The following TRAF5 variants were observed in gnomAD, a reference collection of about 807,000 sequenced individuals.
TRAF5 encodes the protein TNF receptor-associated factor 5.
A neutral mutation model predicts 64.5 loss-of-function variants in TRAF5; 48 were observed. The ratio of observed to expected loss-of-function variants is 0.74; its 90% confidence interval spans 0.59 to 0.95. The LOEUF (loss-of-function observed/expected upper bound fraction) is 0.95, where lower values mean the gene tolerates loss of function less well. Ranked by LOEUF, TRAF5 falls within the 40% of genes least tolerant of loss-of-function variation. The pLI, the probability that TRAF5 is intolerant of heterozygous loss-of-function variation, is 0.00. For missense variants in TRAF5, 545 were observed against 662.8 expected (o/e 0.82, Z 1.95); for synonymous variants, 206 against 240.5 (o/e 0.86, Z 1.33).
At chr1:211,362,858 A>G (rs931190917) in intron 7 of TRAF5, among the ~76,000 whole-genome samples, 2 of 152,098 alleles carry the variant, frequency 1.3e-5, no homozygotes, top group African/African-American at 2.4e-5. Context: ...TTTGCAACAT[A>G]TGATCAGACA....
In TRAF5 at chr1:211,372,633, C is replaced by T. The variant is rs147801247; in HGVS notation, c.1605C>T (p.Asn535=). The T allele has an allele frequency of 1.9e-4, 304 of 1,614,178 alleles. No individual in the cohort carries two copies. Among genetic ancestry groups the T allele is most frequent in the Admixed American group, 3.3e-4 (20 of 60,008 alleles). ...ATTCTGTTTTGGAGAATGCCAAGAA[C>T]GCCTACATTAAAGATGACACTCTGT... ...VAHSVLENAK[N]AYIKDDTLFL... is the part of the protein sequence containing the mutation. Residue 535 remains asparagine, a synonymous_variant, in exon 11 of 11, where the codon AAC becomes AAT. Transcript: ENST00000261464.
intron 1 of TRAF5, among the ~76,000 whole-genome samples, chr1:211,344,486 G>T (rs1408507579): frequency 2.6e-5 from 4 of 152,224 alleles, no homozygotes; most frequent in Non-Finnish European, 4.4e-5. Context: ...GTCACATGTT[G>T]TCTGGTTGTC....
intron 1 of TRAF5, among the ~76,000 whole-genome samples, chr1:211,335,210 C>A (rs1039403519): frequency 6.6e-6 from 1 of 152,162 alleles, no homozygotes; most frequent in African/African-American, 2.4e-5. Flanking sequence ...GCCTGAATCC[C>A]TACCCAGAGT....
rs571800593 is a variant in TRAF5, at chr1:211,353,749, T to G, written c.218+292T>G. 1.6e-5 allele frequency: 7 copies of G among 436,462 alleles called. 1 individual carries two copies. The highest frequency in any genetic ancestry group is 1.4e-4 in the African/African-American group (7 of 50,254). 27.0% of individuals were successfully genotyped at this position (436,462 alleles called of 1,614,324 possible). A position where few individuals can be genotyped will look rare whatever the true frequency, so the allele number is the denominator to read the frequency against. On this transcript the variant is annotated intron_variant, in intron 2 of 10. Coordinates refer to ENST00000261464, the MANE Select transcript of TRAF5 (RefSeq NM_001033910.3). ...ATGGGAGCTGGCTGTGGAGAAGGGC[T>G]TGAATCTCACAATGTCTGTGTTGTA...
At chr1:211,341,145 TTTCCAATGAGGAGA>T (rs1702438430) in intron 1 of TRAF5, among the ~76,000 whole-genome samples, 1 of 152,116 alleles carries the variant, frequency 6.6e-6, no homozygotes, top group Admixed American at 6.5e-5. Context: ...GTAGGTAGCC[TTTCCAATGAGGAGA>T]AGCCTTTCCA....
intron 5 of TRAF5, 142 bp downstream of exon 5, chr1:211,360,218 G>A: frequency 1.1e-6 from 1 of 878,462 alleles, no homozygotes; most frequent in South Asian, 1.8e-5. Context: ...GCTTTTTGGA[G>A]AGAAGTTCTG....
intron 1 of TRAF5, among the ~76,000 whole-genome samples, chr1:211,350,671 T>C (rs1372637434): frequency 6.6e-6 from 1 of 152,188 alleles, no homozygotes; most frequent in Non-Finnish European, 1.5e-5. Flanking sequence ...AGGTGAGAAA[T>C]GATGTGGCTT....
At chr1:211,370,378 A>AACACACAC (rs67207558) in intron 9 of TRAF5, among the ~76,000 whole-genome samples, 10 of 148,082 alleles carry the variant, frequency 6.8e-5, no homozygotes, top group African/African-American at 2.2e-4. Flanking sequence ...TTATACATTA[A>AACACACAC]ACACACACAC....
Position 211,370,949 on chromosome 1 carries a change from T to C in TRAF5, c.931-353T>C, listed in dbSNP as rs536531196. Among the ~76,000 whole-genome samples the C allele has an allele frequency of 2.6e-5, 4 of 152,226 alleles. No homozygotes were observed. The South Asian group carries it at 6.2e-4, about 24-fold the overall frequency. On this transcript the variant is annotated intron_variant, in intron 9 of 10. Coordinates refer to ENST00000261464, the MANE Select transcript of TRAF5 (RefSeq NM_001033910.3). Reference sequence around the variant, plus strand: ...GCAGAGCAGGAGTGAATCAGGAGATTGGCTTCTAAGAAGAGAAAGAAGTGA... The same window carrying C: ...GCAGAGCAGGAGTGAATCAGGAGATCGGCTTCTAAGAAGAGAAAGAAGTGA...
At chr1:211,327,040 G>C (rs2102701860) in intron 1 of TRAF5, among the ~76,000 whole-genome samples, 151 bp downstream of exon 1, 1 of 151,992 alleles carries the variant, frequency 6.6e-6, no homozygotes, top group African/African-American at 2.4e-5. Context: ...GGGAGGGCGC[G>C]AGGCGGCGGC....
At chr1:211,341,697 C>T (rs762457130) in intron 1 of TRAF5, among the ~76,000 whole-genome samples, 6 of 152,040 alleles carry the variant, frequency 3.9e-5, no homozygotes, top group Non-Finnish European at 7.3e-5. Context: ...GGGGCATTGC[C>T]GGGCTGAGGA....
chr1:211,327,870 C>CA (rs1300451643), intron 1 of TRAF5, among the ~76,000 whole-genome samples: 31 of 152,378 alleles, frequency 2.0e-4, no homozygotes, highest in Middle Eastern at 3.4e-3. Flanking sequence ...GCCTTGGGCT[C>CA]TGACCCACCT....
intron 1 of TRAF5, among the ~76,000 whole-genome samples, chr1:211,338,446 C>A (rs1702363199): frequency 6.6e-6 from 1 of 152,196 alleles, no homozygotes; most frequent in African/African-American, 2.4e-5. Context: ...CTCCTCCACT[C>A]CCATAATACA....
chr1:211,358,826 A>ACAT (rs533021832), intron 4 of TRAF5: 1 of 133,270 alleles, frequency 7.5e-6, no homozygotes, highest in Non-Finnish European at 1.6e-5. Flanking sequence ...TATTACATAT[A>ACAT]ATATATTAAA....
chr1:211,361,363 C>T (rs927797087), intron 7 of TRAF5, among the ~76,000 whole-genome samples: 1 of 152,174 alleles, frequency 6.6e-6, no homozygotes, highest in African/African-American at 2.4e-5. Flanking sequence ...AAGAAGTTGG[C>T]TCTTGCAGTT....
intron 10 of TRAF5, 40 bp downstream of exon 10, chr1:211,371,510 G>A (rs745625653): frequency 6.3e-7 from 1 of 1,584,150 alleles, no homozygotes. Context: ...TGACTCATTT[G>A]TCTGCATGTG....
chr1:211,368,251 AAG>A (rs1703416426), intron 8 of TRAF5, among the ~76,000 whole-genome samples: 1 of 152,202 alleles, frequency 6.6e-6, no homozygotes, highest in Non-Finnish European at 1.5e-5. Context: ...CTGTAAAAGC[AAG>A]CCACTAGAAA....
intron 7 of TRAF5, among the ~76,000 whole-genome samples, chr1:211,363,478 A>C (rs1470815001): frequency 3.3e-5 from 5 of 152,202 alleles, no homozygotes; most frequent in African/African-American, 1.2e-4. Flanking sequence ...AAAACTAGGA[A>C]AGTGGGTGTG....
chr1:211,349,062 G>A (rs1241930939), intron 1 of TRAF5, among the ~76,000 whole-genome samples: 1 of 111,710 alleles, frequency 9.0e-6, no homozygotes, highest in Non-Finnish European at 1.9e-5. Flanking sequence ...AAAAAAATTA[G>A]CCAGGCGTGG....
Sources: gnomAD v4.1 joint callset for allele counts (sites outside exome capture counted in the v4.1 genomes callset) on GRCh38, gnomAD v4.1.1 for gene constraint, MANE v1.5 for transcripts, NCBI Gene and HGNC (gene_info 2026-07-23, HGNC 2026-07-21) for gene names.